LAMB1: variants seen among roughly 807,000 people sequenced by gnomAD.
LAMB1 encodes the protein laminin subunit beta 1, also known as laminin subunit beta-1.
LAMB1 carries 121 observed loss-of-function variants against 222.3 expected under a neutral mutation model. The ratio of observed to expected loss-of-function variants is 0.54; its 90% CI spans 0.47 to 0.63. The LOEUF (loss-of-function observed/expected upper bound fraction) is 0.63. Among genes scored for constraint, LAMB1 ranks in the 30% least tolerant of loss-of-function variants. The pLI, the probability that LAMB1 is intolerant of heterozygous loss-of-function variation, is 0.00. For missense variants in LAMB1, 2,172 were observed against 2,240.8 expected (o/e 0.97, Z 0.62); for synonymous variants, 794 against 807.2 (o/e 0.98, Z 0.28).
chr7:107,935,758 A>G, intron 26 of LAMB1, 102 bp from the exon 27 acceptor site: 2 of 1,281,342 alleles, frequency 1.6e-6, no homozygotes, highest in Non-Finnish European at 2.1e-6. Context: ...AATTTACTGT[A>G]AAGTTTTAAA....
At chr7:107,948,521 A>G (rs548025212) in intron 24 of LAMB1, among the ~76,000 whole-genome samples, 6 of 152,164 alleles carry the variant, frequency 3.9e-5, no homozygotes, top group Admixed American at 6.5e-5. Context: ...GGAGCTTCCA[A>G]TGCTTCCAGA....
chr7:107,994,380 C>T (rs528181711), intron 5 of LAMB1, among the ~76,000 whole-genome samples: 1 of 152,230 alleles, frequency 6.6e-6, no homozygotes, highest in South Asian at 2.1e-4. Context: ...AAATAATAAT[C>T]CCATGGGCTT....
At chr7:107,986,474 A>C (rs954105861) in intron 5 of LAMB1, 111 bp from the exon 6 acceptor site, 5 of 805,832 alleles carry the variant, frequency 6.2e-6, no homozygotes, top group Non-Finnish European at 9.7e-6. Flanking sequence ...TGAACTGCAT[A>C]TGGTTTGTAT....
rs563962850 is a variant in LAMB1, at chr7:107,947,752, TTC to T, written c.3391+3472_3391+3473del. On this transcript the variant is annotated intron_variant, in intron 24 of 33. Coordinates refer to ENST00000222399, the MANE Select transcript of LAMB1 (RefSeq NM_002291.3). ...CTAAAAGCATTGAGGATCCGACACA[TTC>T]TCTGTTTGACAGACTGCCTTAAGCA... Among the ~76,000 whole-genome samples, 80 of 152,292 alleles carry T rather than the reference TTC, an allele frequency of 5.3e-4. No homozygotes were observed. In the Middle Eastern group the frequency reaches 0.01, roughly 19 times the overall value.
Position 107,961,324 on chromosome 7 carries a change from A to G in LAMB1, c.1991T>C (p.Val664Ala). 4.3e-6 allele frequency: 7 copies of G among 1,613,740 alleles called. No homozygotes were observed. Among genetic ancestry groups the G allele is most frequent in the Non-Finnish European group, 5.9e-6 (7 of 1,179,930 alleles). ...VVSLSPGSRY[V>A]VLPRPVCFEK... ...AAAGCACACCGGCCGAGGAAGGACG[A>G]CATATCTGCCCCCAAACAAAAAAGA... The change falls in exon 17 of 34, where the codon GTC (valine) becomes GCC (alanine). Residue 664 changes from valine (V) to alanine (A), a missense_variant. Physicochemically the swap from Val to Ala is moderately conservative, Grantham distance 64 (BLOSUM62 0). Coordinates refer to ENST00000222399, the MANE Select transcript of LAMB1 (RefSeq NM_002291.3).
chr7:107,983,016 T>C (rs2034004628), intron 7 of LAMB1, among the ~76,000 whole-genome samples: 1 of 152,190 alleles, frequency 6.6e-6, no homozygotes, highest in African/African-American at 2.4e-5. Flanking sequence ...GGGGTGTCTG[T>C]CCCAGAGCCC....
intron 20 of LAMB1, among the ~76,000 whole-genome samples, chr7:107,955,929 G>A (rs796866724): frequency 1.1e-4 from 16 of 152,102 alleles, no homozygotes; most frequent in African/African-American, 3.4e-4. Context: ...ATGGAGTCGC[G>A]CTCTGTTGCG....
At chr7:107,935,742 G>T in intron 26 of LAMB1, 86 bp from the exon 27 acceptor site, 2 of 1,410,112 alleles carry the variant, frequency 1.4e-6, no homozygotes, top group Non-Finnish European at 1.9e-6. Context: ...GTGTCTTCGG[G>T]TCCTAAATTT....
At chr7:107,973,869 G>A (rs2033800765) in intron 12 of LAMB1, among the ~76,000 whole-genome samples, 1 of 152,082 alleles carries the variant, frequency 6.6e-6, no homozygotes, top group South Asian at 2.1e-4. Context: ...GGCTAGTCTT[G>A]AACTCCTGAC....
Position 107,980,600 on chromosome 7 carries a change from C to T in LAMB1, c.879+9G>A, listed in dbSNP as rs761439147. On this transcript the variant is annotated intron_variant, in intron 8 of 33. Coordinates refer to ENST00000222399, the MANE Select transcript of LAMB1 (RefSeq NM_002291.3). ...ATAAAGGAGAAAGGTGCACAGAGGGCTTACTTACCATTCCTTCCACTTCTT... is the reference window on the plus strand; with the variant it reads ...ATAAAGGAGAAAGGTGCACAGAGGGTTTACTTACCATTCCTTCCACTTCTT... The T allele has an allele frequency of 1.9e-6, 3 of 1,609,080 alleles. No individual in the cohort carries two copies. Among genetic ancestry groups the T allele is most frequent in the African/African-American group, 2.7e-5 (2 of 74,866 alleles).
At chr7:107,931,780 TC>T in intron 28 of LAMB1, 1 of 482,944 alleles carries the variant, frequency 2.1e-6, no homozygotes, top group Non-Finnish European at 3.6e-6. Flanking sequence ...TGAGTCTTTT[TC>T]TCAGGTGCCC....
chr7:107,965,008 G>C (rs972967406), intron 13 of LAMB1, among the ~76,000 whole-genome samples: 2 of 152,098 alleles, frequency 1.3e-5, no homozygotes, highest in African/African-American at 4.8e-5. Context: ...TATTTCCTGA[G>C]ATTTAGGCTC....
In LAMB1 at chr7:107,924,093, G is replaced by GA; in HGVS notation, c.5225-7_5225-6insT. ...TTCATATTTTCTTTCTAAATCTGTG[G>GA]GGAGATATATATATATAAAGTCTGA... On this transcript the variant is annotated splice_polypyrimidine_tract_variant and splice_region_variant and intron_variant, in intron 33 of 33. Transcript: ENST00000222399. 2 of 836,350 alleles carry GA rather than the reference G, an allele frequency of 2.4e-6. No homozygotes were observed. Among genetic ancestry groups the GA allele is most frequent in the Non-Finnish European group, 3.2e-6 (2 of 633,182 alleles). 51.8% of individuals were successfully genotyped at this position (836,350 alleles called of 1,614,324 possible). A position where few individuals can be genotyped will look rare whatever the true frequency, so the allele number is the denominator to read the frequency against.
At chr7:107,941,498 A>G (rs2032980746) in intron 24 of LAMB1, among the ~76,000 whole-genome samples, 1 of 152,306 alleles carries the variant, frequency 6.6e-6, no homozygotes, top group East Asian at 1.9e-4. Flanking sequence ...CTCAGGGTTA[A>G]CTTGCAATCA....
Position 107,923,907 on chromosome 7 carries a change from G to C in LAMB1, c.*44C>G. 6.5e-7 allele frequency: 1 copy of C among 1,544,222 alleles called. No individual in the cohort carries two copies. Among genetic ancestry groups the C allele is most frequent in the Non-Finnish European group, 8.7e-7 (1 of 1,144,078 alleles). ...GCATTAAGTCAGTTTTTAAAATGTA[G>C]TTGTTTTACCTTGTTCACCTCAGCC... On this transcript the variant is annotated 3_prime_UTR_variant, in exon 34 of 34. Transcript: ENST00000222399.
intron 24 of LAMB1, chr7:107,940,563 A>G (rs1380578432): frequency 5.2e-6 from 3 of 577,424 alleles, no homozygotes; most frequent in Admixed American, 3.0e-5. Context: ...CTTAGCAGTA[A>G]TAATACTTTA....
chr7:107,974,910 A>G (rs1270783088), intron 12 of LAMB1, 76 bp downstream of exon 12: 8 of 843,234 alleles, frequency 9.5e-6, no homozygotes, highest in African/African-American at 1.7e-5. Flanking sequence ...CAGACTCTAC[A>G]ATGGCGAAAA....
intron 14 of LAMB1, among the ~76,000 whole-genome samples, chr7:107,963,714 G>A (rs1318791656): frequency 6.6e-6 from 1 of 152,224 alleles, no homozygotes; most frequent in East Asian, 1.9e-4. Flanking sequence ...GTGACCAACA[G>A]AACCTGAGGA....
intron 24 of LAMB1, chr7:107,950,961 T>TGTGTGTGC (rs1554405431): frequency 2.8e-6 from 1 of 357,298 alleles, no homozygotes; most frequent in Non-Finnish European, 5.2e-6. Flanking sequence ...TGTGTGTGTG[T>TGTGTGTGC]GCTTACACAC....
Sources: gnomAD v4.1 joint callset for allele counts (sites outside exome capture counted in the v4.1 genomes callset) on GRCh38, gnomAD v4.1.1 for gene constraint, MANE v1.5 for transcripts, NCBI Gene and HGNC (gene_info 2026-07-23, HGNC 2026-07-21) for gene names.